Variants in MARCHF1 observed in about 807,000 individuals in gnomAD.
MARCHF1 encodes the protein membrane associated ring-CH-type finger 1, also known as E3 ubiquitin-protein ligase MARCHF1.
MARCHF1 carries 40 observed loss-of-function variants against 54.2 expected under a neutral mutation model. The observed-to-expected ratio is 0.74, with a 90% confidence interval of 0.57 to 0.96. MARCHF1 has a LOEUF of 0.96. Ranked by LOEUF, MARCHF1 falls within the 40% of genes least tolerant of loss-of-function variation. The pLI is 0.00. For synonymous variants in MARCHF1, 236 were observed against 236.3 expected, an observed-to-expected ratio of 1.00 and a Z score of 0.01; for missense variants, 586 against 656.5, an observed-to-expected ratio of 0.89 and a Z score of 1.17.
At chr4:163,665,421 C>A (rs1743498180) in intron 5 of MARCHF1, among the ~76,000 whole-genome samples, 2 of 152,058 alleles carry the variant, frequency 1.3e-5, no homozygotes, top group African/African-American at 4.8e-5. Context: ...CTTAGAGGAA[C>A]TGTCTAGTCT....
intron 1 of MARCHF1, among the ~76,000 whole-genome samples, chr4:164,131,116 A>G (rs1297631740): frequency 1.3e-5 from 2 of 152,138 alleles, no homozygotes; most frequent in Admixed American, 6.6e-5. Flanking sequence ...GAAATTGTGT[A>G]GAGAATTCTA....
chr4:163,666,781 T>C (rs527821956), intron 5 of MARCHF1, among the ~76,000 whole-genome samples: 3 of 152,194 alleles, frequency 2.0e-5, no homozygotes, highest in East Asian at 1.9e-4. Context: ...ACCACAGTTA[T>C]ATGTTCCCAT....
In MARCHF1 at chr4:164,195,777, T is replaced by A. The variant is rs185024076; in HGVS notation, c.-322-84115A>T. Among the ~76,000 whole-genome samples, 197 of 152,348 alleles carry A rather than the reference T, an allele frequency of 1.3e-3. 1 individual carries two copies. The highest frequency in any genetic ancestry group is 1.2e-3 in the South Asian group (6 of 4,832). Reference sequence around the variant, plus strand: ...GCTTGTTGGACACCTTAGAGTTTACTCTTACTGGGTTTTGAATTAATCTAA... The same window carrying A: ...GCTTGTTGGACACCTTAGAGTTTACACTTACTGGGTTTTGAATTAATCTAA... On this transcript the variant is annotated intron_variant, in intron 1 of 9. Transcript: ENST00000514618.
At chr4:164,222,256 T>C (rs1472776651) in intron 1 of MARCHF1, among the ~76,000 whole-genome samples, 1 of 151,844 alleles carries the variant, frequency 6.6e-6, no homozygotes, top group African/African-American at 2.4e-5. Flanking sequence ...ATTGATATTT[T>C]TAGGATCAAC....
At chr4:163,842,748 G>A (rs1332255495) in intron 4 of MARCHF1, among the ~76,000 whole-genome samples, 3 of 152,168 alleles carry the variant, frequency 2.0e-5, no homozygotes, top group African/African-American at 4.8e-5. Flanking sequence ...TGTAAAGTGA[G>A]TGAATACAAA....
At chr4:163,679,522 A>C (rs951609408) in intron 5 of MARCHF1, among the ~76,000 whole-genome samples, 12 of 152,156 alleles carry the variant, frequency 7.9e-5, no homozygotes, top group African/African-American at 2.9e-4. Context: ...GTGACCTTTT[A>C]AAGCAGGGGT....
intron 2 of MARCHF1, among the ~76,000 whole-genome samples, chr4:164,092,898 C>T (rs1755334156): frequency 6.6e-6 from 1 of 152,082 alleles, no homozygotes; most frequent in African/African-American, 2.4e-5. Flanking sequence ...TCTTATTCCA[C>T]ATCCAACGGT....
intron 5 of MARCHF1, among the ~76,000 whole-genome samples, chr4:163,665,931 C>T (rs988499731): frequency 6.6e-6 from 1 of 152,122 alleles, no homozygotes; most frequent in African/African-American, 2.4e-5. Context: ...GGATACTGTA[C>T]CCAGTGGGTT....
chr4:163,771,217 G>C (rs1747147180), intron 4 of MARCHF1, among the ~76,000 whole-genome samples: 1 of 152,142 alleles, frequency 6.6e-6, no homozygotes, highest in East Asian at 1.9e-4. Context: ...AGTGCTATTG[G>C]CATCTAGTGA....
In MARCHF1 at chr4:163,528,919, G is replaced by A. The variant is rs1210075797; in HGVS notation, c.1467C>T (p.Asn489=). 5 of 1,613,318 alleles carry A rather than the reference G, an allele frequency of 3.1e-6. No homozygotes were observed. Among genetic ancestry groups the A allele is most frequent in the South Asian group, 1.1e-5 (1 of 91,072 alleles). Residue 489 remains asparagine, a synonymous_variant, in exon 10 of 10, where the codon AAC becomes AAT. Coordinates refer to ENST00000514618, the MANE Select transcript of MARCHF1 (RefSeq NM_001394959.1). ...GGCAATTTTGTACAAAGATCACACG[G>A]TTGTAGGCCTTCAGCCTGCGCCACA... ...VQLWRRLKAY[N]RVIFVQNCPD...
rs138514815 is a variant in MARCHF1 at position 163,601,535 on chromosome 4, A to G, written c.1010+10736T>C. Among the ~76,000 whole-genome samples the G allele has an allele frequency of 3.9e-5, 6 of 152,090 alleles. No homozygotes were observed. The East Asian group carries it at 1.2e-3, about 29-fold the overall frequency. Reference sequence around the variant, plus strand: ...TTAAATTAAGAAGTAGATAAACTCTATCTAATTCATAATCCTTCCTCTTCA... The same window carrying G: ...TTAAATTAAGAAGTAGATAAACTCTGTCTAATTCATAATCCTTCCTCTTCA... On this transcript the variant is annotated intron_variant, in intron 7 of 9. Coordinates refer to ENST00000514618, the MANE Select transcript of MARCHF1 (RefSeq NM_001394959.1).
intron 3 of MARCHF1, among the ~76,000 whole-genome samples, chr4:163,948,880 G>A (rs1209048014): frequency 6.6e-6 from 1 of 152,216 alleles, no homozygotes; most frequent in Non-Finnish European, 1.5e-5. Context: ...AAGTTGAAGG[G>A]TGAGAAAGCC....
intron 8 of MARCHF1, among the ~76,000 whole-genome samples, chr4:163,572,559 T>C (rs1739877047): frequency 6.6e-6 from 1 of 152,134 alleles, no homozygotes; most frequent in Non-Finnish European, 1.5e-5. Flanking sequence ...TATTAAGCTA[T>C]GCTCCTTATA....
intron 1 of MARCHF1, chr4:164,197,716 C>T (rs568700640): frequency 1.9e-6 from 3 of 1,611,760 alleles, no homozygotes; most frequent in Admixed American, 1.7e-5. Flanking sequence ...CTCCATCTCT[C>T]GCGCTCTCTG....
chr4:164,151,550 G>A (rs948803585), intron 1 of MARCHF1, among the ~76,000 whole-genome samples: 1 of 152,008 alleles, frequency 6.6e-6, no homozygotes, highest in Non-Finnish European at 1.5e-5. Flanking sequence ...TCAGAATTGG[G>A]CATATTCTTT....
intron 4 of MARCHF1, among the ~76,000 whole-genome samples, chr4:163,827,668 T>C (rs1748892391): frequency 6.6e-6 from 1 of 152,156 alleles, no homozygotes; most frequent in Non-Finnish European, 1.5e-5. Context: ...TTCCACTTAT[T>C]GCAGTCAATG....
At chr4:163,801,774 T>C (rs539773387) in intron 4 of MARCHF1, among the ~76,000 whole-genome samples, 1 of 152,118 alleles carries the variant, frequency 6.6e-6, no homozygotes, top group Non-Finnish European at 1.5e-5. Context: ...AGAATAACAA[T>C]AAACACACTT....
At chr4:163,535,877 G>A (rs1207069384) in intron 9 of MARCHF1, among the ~76,000 whole-genome samples, 1 of 151,916 alleles carries the variant, frequency 6.6e-6, no homozygotes, top group East Asian at 1.9e-4. Flanking sequence ...GTTCTCTGGG[G>A]GACATTTAGC....
chr4:163,847,024 T>C (rs943579078), intron 4 of MARCHF1, among the ~76,000 whole-genome samples: 1 of 152,108 alleles, frequency 6.6e-6, no homozygotes, highest in Non-Finnish European at 1.5e-5. Flanking sequence ...AAATCTCAAG[T>C]CCAGGGGCTG....
Sources: allele counts gnomAD v4.1 joint callset (sites outside exome capture counted in the v4.1 genomes callset), GRCh38; gene constraint gnomAD v4.1.1; transcripts MANE v1.5; gene names NCBI Gene and HGNC (gene_info 2026-07-23, HGNC 2026-07-21).